The following SYK variants were observed in gnomAD, a reference collection of about 807,000 sequenced individuals.
SYK encodes the protein tyrosine-protein kinase SYK.
Under a neutral mutation model 77.8 loss-of-function variants are expected in SYK, and 16 were observed. The observed-to-expected ratio is 0.21, with a 90% CI of 0.14 to 0.31. The LOEUF (loss-of-function observed/expected upper bound fraction) is 0.31. SYK is among the 10% of genes least tolerant of loss of function. SYK has a pLI of 1.00. For missense variants in SYK, 529 were observed against 814.4 expected (o/e 0.65, Z 4.26); for synonymous variants, 312 against 308.7 (o/e 1.01, Z -0.11).
At chr9:90,822,953 TC>T (rs1564073731) in intron 1 of SYK, among the ~76,000 whole-genome samples, 1 of 152,190 alleles carries the variant, frequency 6.6e-6, no homozygotes, top group Non-Finnish European at 1.5e-5. Context: ...AAAGAGCTCC[TC>T]ATGGCCCTGG....
chr9:90,822,241 C>G (rs1457182962), intron 1 of SYK, among the ~76,000 whole-genome samples: 1 of 152,182 alleles, frequency 6.6e-6, no homozygotes, highest in African/African-American at 2.4e-5. Context: ...AACAGTTGAA[C>G]TGTTTTATAA....
chr9:90,895,026 C>G lies in SYK; in HGVS notation c.1836-502C>G, dbSNP rs903611339. On this transcript the variant is annotated intron_variant, in intron 13 of 13. Coordinates refer to ENST00000375754, the MANE Select transcript of SYK (RefSeq NM_003177.7). This position sits in a 1 kb window ranked among gnomAD's most constrained non-coding sequence, Gnocchi z 4.4. ...CCATTTTCAGAAAATCCAGAGCCAT[C>G]GATTAGAGCGTGGAAAGGGAGAATT... Among the ~76,000 whole-genome samples the G allele has an allele frequency of 6.6e-6, 1 of 152,112 alleles. No individual in the cohort carries two copies. Among genetic ancestry groups the G allele is most frequent in the Non-Finnish European group, 1.5e-5 (1 of 68,028 alleles).
chr9:90,861,288 T>C (rs895001393), intron 3 of SYK, among the ~76,000 whole-genome samples: 1 of 152,126 alleles, frequency 6.6e-6, no homozygotes, highest in East Asian at 1.9e-4. Flanking sequence ...CAGACTCCTG[T>C]GTTTCTGTTC....
At chr9:90,858,197 G>C (rs953461966) in intron 3 of SYK, among the ~76,000 whole-genome samples, 5 of 152,194 alleles carry the variant, frequency 3.3e-5, no homozygotes, top group African/African-American at 1.2e-4. Flanking sequence ...GAGTCAACAT[G>C]CCTCACCTTT....
intron 13 of SYK, among the ~76,000 whole-genome samples, chr9:90,891,797 C>A (rs923331728): frequency 6.6e-6 from 1 of 152,138 alleles, no homozygotes; most frequent in Admixed American, 6.5e-5. Context: ...AAGGGCTGGT[C>A]CTGGTAACCC....
At position 90,884,569 on chromosome 9, in the gene SYK, GTACA is replaced by G. The variant is rs1313591072; in HGVS notation, c.1582-3171_1582-3168del. Among the ~76,000 whole-genome samples, 6 of 92,480 alleles carry G rather than the reference GTACA, an allele frequency of 6.5e-5. 3 individuals carry two copies. The highest frequency in any genetic ancestry group is 9.0e-5 in the African/African-American group (2 of 22,286). 60.7% of individuals were successfully genotyped at this position (92,480 alleles called of 152,430 possible). A position where few individuals can be genotyped will look rare whatever the true frequency, so the allele number is the denominator to read the frequency against. On this transcript the variant is annotated intron_variant, in intron 11 of 13. Transcript: ENST00000375754. ...CATACACATACACATATGTGTACAT[GTACA>G]TACATACACATACACATATGTGTAC... is the stretch of plus-strand genomic sequence containing the variant.
chr9:90,853,502 A>G (rs148629801), intron 3 of SYK, among the ~76,000 whole-genome samples: 1 of 152,140 alleles, frequency 6.6e-6, no homozygotes, highest in African/African-American at 2.4e-5. Flanking sequence ...CTGGATTAAG[A>G]AAATGTGGCA....
rs756294270 is a variant in SYK at position 90,862,275 on chromosome 9, T to C, written c.648T>C (p.Tyr216=). Residue 216 remains tyrosine, a synonymous_variant, in exon 4 of 14, where the codon TAT becomes TAC. Transcript: ENST00000375754. ...CLLHEGKVLH[Y]RIDKDKTGKL... ...TGCACGAAGGGAAGGTGCTGCACTA[T>C]CGCATCGACAAAGACAAGACAGGGA... The C allele has an allele frequency of 1.9e-6, 3 of 1,614,000 alleles. No homozygotes were observed. The highest frequency in any genetic ancestry group is 2.7e-5 in the African/African-American group (2 of 74,916).
chr9:90,888,579 G>C lies in SYK; in HGVS notation c.1787G>C (p.Gly596Ala). ...GGAGAGCGGATGGGGTGCCCTGCAG[G>C]GTGTCCAAGAGAGATGTACGATCTC... ...EKGERMGCPA[G>A]CPREMYDLMN... Residue 596 changes from glycine to alanine, a missense_variant, in exon 13 of 14, where the codon GGG becomes GCG. Coordinates refer to ENST00000375754, the MANE Select transcript of SYK (RefSeq NM_003177.7). The C allele has an allele frequency of 6.2e-7, 1 of 1,611,988 alleles. No homozygotes were observed. Among genetic ancestry groups the C allele is most frequent in the Non-Finnish European group, 8.5e-7 (1 of 1,179,248 alleles).
intron 13 of SYK, among the ~76,000 whole-genome samples, chr9:90,891,633 A>G (rs1456880738): frequency 1.3e-5 from 2 of 152,230 alleles, no homozygotes; most frequent in Non-Finnish European, 2.9e-5. Context: ...GAAACCTTAC[A>G]GAGGACTCTG....
chr9:90,805,550 C>T (rs1246821167), intron 1 of SYK, among the ~76,000 whole-genome samples: 3 of 152,224 alleles, frequency 2.0e-5, no homozygotes, highest in Admixed American at 1.3e-4. Context: ...GGAATATCCA[C>T]AGTTTAAATA....
chr9:90,812,892 G>T (rs1186629549), intron 1 of SYK, among the ~76,000 whole-genome samples: 2 of 152,080 alleles, frequency 1.3e-5, no homozygotes, highest in African/African-American at 2.4e-5. Context: ...TTGGAGGAAG[G>T]CTTTAGAGTG....
At chr9:90,817,994 C>G (rs979132139) in intron 1 of SYK, among the ~76,000 whole-genome samples, 2 of 152,152 alleles carry the variant, frequency 1.3e-5, no homozygotes, top group African/African-American at 4.8e-5. Flanking sequence ...CTTCAACACT[C>G]TAAGAAATGG....
At chr9:90,848,529 T>C (rs916903955) in intron 3 of SYK, among the ~76,000 whole-genome samples, 1 of 152,242 alleles carries the variant, frequency 6.6e-6, no homozygotes, top group Non-Finnish European at 1.5e-5. Flanking sequence ...GAGTCAGAAC[T>C]AGATTCCAGT....
chr9:90,878,619 A>G lies in SYK; in HGVS notation c.1392-145A>G, dbSNP rs910227007. 30 of 629,488 alleles carry G rather than the reference A, an allele frequency of 4.8e-5. No individual in the cohort carries two copies. The South Asian group carries it at 6.3e-4, about 13-fold the overall frequency. 39.0% of individuals were successfully genotyped at this position (629,488 alleles called of 1,614,324 possible). A position where few individuals can be genotyped will look rare whatever the true frequency, so the allele number is the denominator to read the frequency against. On this transcript the variant is annotated intron_variant, in intron 10 of 13. Transcript: ENST00000375754. ...GAGTCCTGAAGAGCTATATGCTAACAAAGTTATTTGTCACCACTCGTGAGT... is the reference window on the plus strand; with the variant it reads ...GAGTCCTGAAGAGCTATATGCTAACGAAGTTATTTGTCACCACTCGTGAGT...
Position 90,874,189 on chromosome 9 carries a change from C to T in SYK, c.916-15C>T, listed in dbSNP as rs201299328. On this transcript the variant is annotated splice_polypyrimidine_tract_variant and intron_variant, in intron 7 of 13. Coordinates refer to ENST00000375754, the MANE Select transcript of SYK (RefSeq NM_003177.7). ...GGATGAAGAAAAACAACCTGTTGTC[C>T]TTTATGTACTTTAGTCCTCCCCTGC... 4 of 1,609,656 alleles carry T rather than the reference C, an allele frequency of 2.5e-6. No individual in the cohort carries two copies. The South Asian group carries it at 4.4e-5, about 18-fold the overall frequency.
chr9:90,817,220 G>A (rs1825322765), intron 1 of SYK, among the ~76,000 whole-genome samples: 1 of 152,132 alleles, frequency 6.6e-6, no homozygotes, highest in South Asian at 2.1e-4. Flanking sequence ...GAGGTTCCTG[G>A]ATAAGATGCT....
chr9:90,819,004 C>T (rs535999540), intron 1 of SYK, among the ~76,000 whole-genome samples: 1 of 152,300 alleles, frequency 6.6e-6, no homozygotes, highest in South Asian at 2.1e-4. Flanking sequence ...TTGAGAGTAG[C>T]AGGAAACATT....
chr9:90,811,764 C>CAA (rs3057733), intron 1 of SYK, among the ~76,000 whole-genome samples: 17,170 of 147,310 alleles, frequency 0.12, 1,032 homozygotes, highest in East Asian at 0.17. Flanking sequence ...TGACAAATAC[C>CAA]AAAAAAAAAA....
Sources: gnomAD v4.1 joint callset for allele counts (sites outside exome capture counted in the v4.1 genomes callset) on GRCh38, gnomAD v4.1.1 for gene constraint, Gnocchi (gnomAD v3.1) non-coding constraint, MANE v1.5 for transcripts, NCBI Gene and HGNC (gene_info 2026-07-23, HGNC 2026-07-21) for gene names.